FSD1L: variants seen among roughly 807,000 people sequenced by gnomAD.
FSD1L encodes FSD1-like protein.
In FSD1L, 45 loss-of-function variants were observed where a neutral mutation model predicts 71.6. The ratio of observed to expected loss-of-function variants is 0.63; its 90% CI spans 0.49 to 0.81. The LOEUF (loss-of-function observed/expected upper bound fraction) is 0.81, where lower values mean the gene tolerates loss of function less well. Among genes scored for constraint, FSD1L ranks in the 30% least tolerant of loss-of-function variants. The pLI, the probability that FSD1L is intolerant of heterozygous loss-of-function variation, is 0.00. For missense variants in FSD1L, 561 were observed against 618.1 expected (o/e 0.91, Z 0.98); for synonymous variants, 197 against 207.2 (o/e 0.95, Z 0.42).
chr9:105,447,900 A>G, upstream of FSD1L: 1 of 478,100 alleles, frequency 2.1e-6, no homozygotes, highest in Non-Finnish European at 3.7e-6. Flanking sequence ...GGGGGAAGGG[A>G]GTGCAGCCTG....
At chr9:105,497,112 C>A (rs1833461282) in intron 7 of FSD1L, among the ~76,000 whole-genome samples, 1 of 152,016 alleles carries the variant, frequency 6.6e-6, no homozygotes, top group Non-Finnish European at 1.5e-5. Flanking sequence ...CATTTTTTGG[C>A]ATCTATTTTT....
chr9:105,475,215 C>T (rs1207875968), intron 5 of FSD1L, among the ~76,000 whole-genome samples: 1 of 152,178 alleles, frequency 6.6e-6, no homozygotes, highest in African/African-American at 2.4e-5. Context: ...ATTGCCATCA[C>T]AATCATGCCA....
At chr9:105,469,928 A>G (rs1831341506) in intron 4 of FSD1L, among the ~76,000 whole-genome samples, 1 of 151,546 alleles carries the variant, frequency 6.6e-6, no homozygotes, top group Non-Finnish European at 1.5e-5. Flanking sequence ...TTTTTAGTTA[A>G]TTTTTGCGTA....
intron 6 of FSD1L, among the ~76,000 whole-genome samples, chr9:105,482,046 G>T (rs1305566120): frequency 6.6e-6 from 1 of 152,088 alleles, no homozygotes; most frequent in Non-Finnish European, 1.5e-5. Flanking sequence ...AAGTGCTGGG[G>T]TTACAGATAT....
chr9:105,452,595 T>G (rs1357866141), intron 1 of FSD1L, among the ~76,000 whole-genome samples: 3 of 151,512 alleles, frequency 2.0e-5, no homozygotes, highest in African/African-American at 7.3e-5. Context: ...AAAGCAGGGT[T>G]CCCTCCCTCC....
intron 10 of FSD1L, chr9:105,513,472 G>A: frequency 1.7e-6 from 1 of 571,990 alleles, no homozygotes; most frequent in Non-Finnish European, 2.9e-6. Flanking sequence ...GAAGATAAAT[G>A]CCATTGTGAG....
intron 10 of FSD1L, chr9:105,521,978 C>T (rs1002359799): frequency 6.2e-7 from 1 of 1,613,024 alleles, no homozygotes; most frequent in Non-Finnish European, 8.5e-7. Context: ...TATCAATGGA[C>T]AAAAAGACTT....
chr9:105,447,003 G>A (rs1377417600), upstream of FSD1L, among the ~76,000 whole-genome samples: 1 of 151,960 alleles, frequency 6.6e-6, no homozygotes, highest in African/African-American at 2.4e-5. Context: ...ACACCGAGCA[G>A]GTTCTAACTC....
chr9:105,508,522 G>T (rs1834202897), intron 8 of FSD1L, 95 bp from the exon 9 acceptor site: 4 of 709,506 alleles, frequency 5.6e-6, no homozygotes, highest in Admixed American at 4.5e-5. Flanking sequence ...TGAATACAGA[G>T]ACACGGTTCT....
intron 10 of FSD1L, among the ~76,000 whole-genome samples, chr9:105,514,441 G>A (rs1352733130): frequency 6.6e-6 from 1 of 152,134 alleles, no homozygotes; most frequent in African/African-American, 2.4e-5. Context: ...GATGTCTGCT[G>A]GATGTTATAG....
intron 9 of FSD1L, among the ~76,000 whole-genome samples, chr9:105,510,255 G>A (rs1191633731): frequency 6.6e-6 from 1 of 152,096 alleles, no homozygotes; most frequent in African/African-American, 2.4e-5. Context: ...TCTGCGGTAG[G>A]AATAGACTGA....
chr9:105,481,176 T>TGTGTGTGTGTGG (rs1454412244), intron 6 of FSD1L, among the ~76,000 whole-genome samples: 1,994 of 123,160 alleles, frequency 0.016, 76 homozygotes, highest in Admixed American at 0.032. Context: ...TGTGTGTGTG[T>TGTGTGTGTGTGG]GTGGTTCTTT....
Position 105,535,309 on chromosome 9 carries a change from T to G in FSD1L, c.1369T>G (p.Phe457Val). The G allele has an allele frequency of 6.4e-7, 1 of 1,551,442 alleles. No individual in the cohort carries two copies. The highest frequency in any genetic ancestry group is 8.7e-7 in the Non-Finnish European group (1 of 1,146,898). Reference protein sequence around the residue: ...VPEKIGVFCDFDGGQLSFYDA... With the variant: ...VPEKIGVFCDVDGGQLSFYDA... ...TGAAAAAATAGGTGTATTTTGTGAT[T>G]TTGATGGGGGTAAGTTTATTTTCTC... Residue 457 changes from phenylalanine (F) to valine (V), a missense_variant, in exon 12 of 14, where the codon TTT becomes GTT. Phe to Val is a conservative substitution (Grantham distance 50). This residue lies in a region of FSD1L where 98 missense variants were observed against 102.3 expected (regional missense o/e 0.96). Transcript: ENST00000481272.
intron 7 of FSD1L, among the ~76,000 whole-genome samples, chr9:105,505,652 C>A (rs78797747): frequency 0.017 from 2,517 of 152,160 alleles, 59 homozygotes; most frequent in African/African-American, 0.058. Flanking sequence ...TCATTGATAT[C>A]ATTATATAAT....
rs1199015778 is a variant in FSD1L, at chr9:105,490,899, G to A, written c.586+6397G>A. Among the ~76,000 whole-genome samples the A allele has an allele frequency of 4.9e-5, 7 of 142,572 alleles. No homozygotes were observed. In the East Asian group the frequency reaches 1.4e-3, roughly 29 times the overall value. 93.5% of individuals were successfully genotyped at this position (142,572 alleles called of 152,430 possible). A position where few individuals can be genotyped will look rare whatever the true frequency, so the allele number is the denominator to read the frequency against. ...TTGGTACCAGTACCATGCTGTTTTG[G>A]TTACTGTAGCCTTGTAGTATAGTTT... On this transcript the variant is annotated intron_variant, in intron 7 of 13. Coordinates refer to ENST00000481272, the MANE Select transcript of FSD1L (RefSeq NM_001145313.3).
At chr9:105,494,585 TAG>T (rs1261474208) in intron 7 of FSD1L, among the ~76,000 whole-genome samples, 1 of 152,224 alleles carries the variant, frequency 6.6e-6, no homozygotes, top group Middle Eastern at 3.2e-3. Context: ...CTCTGGTTTT[TAG>T]AGTTTCCAGT....
rs577511961 is a variant in FSD1L, at chr9:105,522,985, C to T, written c.1025+10049C>T. ...GATCTTATCAGCTCAGATAGTCATT[C>T]GGATTCTTTCAGCGCTTTCCAATAT... On this transcript the variant is annotated intron_variant, in intron 10 of 13. Coordinates refer to ENST00000481272, the MANE Select transcript of FSD1L (RefSeq NM_001145313.3). The T allele has an allele frequency of 1.8e-5, 29 of 1,614,004 alleles. No homozygotes were observed. In the East Asian group the frequency reaches 4.0e-4, roughly 22 times the overall value.
chr9:105,484,464 A>G lies in FSD1L; in HGVS notation c.548A>G (p.Gln183Arg). 2 of 1,531,530 alleles carry G rather than the reference A, an allele frequency of 1.3e-6. No homozygotes were observed. Among genetic ancestry groups the G allele is most frequent in the South Asian group, 2.5e-5 (2 of 79,614 alleles). 94.9% of individuals were successfully genotyped at this position (1,531,530 alleles called of 1,614,324 possible). The stretch of plus-strand genomic sequence containing the variant: ...ACTCATTTAATGGTGGATTTCTCAC[A>G]GGAAAGACAGATGCTGCAAACTTTG... Reference protein sequence around the residue: ...NMTHLMVDFSQERQMLQTLKF... With the variant: ...NMTHLMVDFSRERQMLQTLKF... Residue 183 changes from glutamine to arginine, a missense_variant, in exon 7 of 14, where the codon CAG becomes CGG. Transcript: ENST00000481272.
chr9:105,492,252 T>C (rs183132628), intron 7 of FSD1L, among the ~76,000 whole-genome samples: 16 of 152,308 alleles, frequency 1.1e-4, no homozygotes, highest in African/African-American at 3.6e-4. Context: ...GAGGAATTTA[T>C]CCATTTCTTC....
Sources: gnomAD v4.1 joint callset for allele counts (sites outside exome capture counted in the v4.1 genomes callset) on GRCh38, gnomAD v4.1.1 for gene constraint, gnomAD v4.1.1 regional missense constraint, MANE v1.5 for transcripts, NCBI Gene and HGNC (gene_info 2026-07-23, HGNC 2026-07-21) for gene names.